Variants in CRAMP1 observed in about 807,000 individuals in gnomAD.
CRAMP1 encodes the protein cramped chromatin regulator 1, also known as protein cramped-like.
In CRAMP1, 50 loss-of-function variants were observed where a neutral mutation model predicts 115.4. The observed-to-expected ratio is 0.43, with a 90% CI of 0.35 to 0.55. The LOEUF (loss-of-function observed/expected upper bound fraction) is 0.55. CRAMP1 is among the 20% of genes least tolerant of loss of function. The pLI is 0.01. For missense variants in CRAMP1, 1,679 were observed against 1,721.7 expected, an observed-to-expected ratio of 0.98 and a Z score of 0.44; for synonymous variants, 866 against 745.4, an observed-to-expected ratio of 1.16 and a Z score of -2.64.
At chr16:1,633,845 G>A (rs939238952) in intron 4 of CRAMP1, among the ~76,000 whole-genome samples, 1 of 152,100 alleles carries the variant, frequency 6.6e-6, no homozygotes, top group Admixed American at 6.6e-5. Context: ...AGAGGCGGGC[G>A]GATCACGAGG....
chr16:1,638,096 A>G (rs1037951171), intron 5 of CRAMP1, among the ~76,000 whole-genome samples, 189 bp downstream of exon 5: 1 of 152,114 alleles, frequency 6.6e-6, no homozygotes, highest in Non-Finnish European at 1.5e-5. Context: ...CGTTGGCTAC[A>G]TTTGCTCTCT....
intron 13 of CRAMP1, among the ~76,000 whole-genome samples, chr16:1,663,878 G>A (rs1007006003): frequency 2.6e-5 from 4 of 152,186 alleles, no homozygotes; most frequent in Non-Finnish European, 4.4e-5. Context: ...GCACACAGCC[G>A]TGATTATTCA....
rs1385499777 is a variant in CRAMP1, at chr16:1,637,868, C to G, written c.739C>G (p.Leu247Val). ...LKKSSQELYG[L>V]ICYGELRKKI... ...GAAGTCATCCCAGGAACTGTATGGCCTGATCTGCTATGGCGAGCTGCGCAA... is the reference window on the plus strand; with the variant it reads ...GAAGTCATCCCAGGAACTGTATGGCGTGATCTGCTATGGCGAGCTGCGCAA... The change falls in exon 5 of 21, where the codon CTG becomes GTG. Residue 247 changes from leucine (L) to valine (V), a missense_variant. Around this residue, in one of 8 missense-constraint regions of CRAMP1, gnomAD observed 42 missense variants for 42.3 expected, o/e 0.99. Transcript: ENST00000397412. 1 of 1,571,128 alleles carries G rather than the reference C, an allele frequency of 6.4e-7. No individual in the cohort carries two copies.
chr16:1,660,117 A>C, intron 11 of CRAMP1, 54 bp downstream of exon 11: 2 of 1,416,690 alleles, frequency 1.4e-6, no homozygotes, highest in Non-Finnish European at 9.3e-7. Context: ...ATGGCACCTC[A>C]GGCTTCAGGG....
intron 20 of CRAMP1, among the ~76,000 whole-genome samples, chr16:1,673,628 G>A (rs2036941688): frequency 1.3e-5 from 2 of 152,202 alleles, no homozygotes; most frequent in Non-Finnish European, 1.5e-5. Context: ...TGGCGGGCGG[G>A]GGGACCAGCA....
At chr16:1,662,208 G>T (rs2036837337) in intron 11 of CRAMP1, among the ~76,000 whole-genome samples, 1 of 152,302 alleles carries the variant, frequency 6.6e-6, no homozygotes, top group East Asian at 1.9e-4. Context: ...AACATCTTTG[G>T]TGTCTTATCT....
chr16:1,673,430 C>T (rs1214502688), intron 20 of CRAMP1, among the ~76,000 whole-genome samples: 2 of 152,236 alleles, frequency 1.3e-5, no homozygotes, highest in African/African-American at 2.4e-5. Context: ...AAACGTGTCC[C>T]CCACGTATCC....
intron 4 of CRAMP1, among the ~76,000 whole-genome samples, chr16:1,637,499 C>T (rs1203020205): frequency 6.6e-6 from 1 of 152,186 alleles, no homozygotes; most frequent in East Asian, 1.9e-4. Flanking sequence ...AGATGGATGA[C>T]AGGTTTAGTG....
intron 5 of CRAMP1, among the ~76,000 whole-genome samples, chr16:1,639,217 G>T (rs2035230265): frequency 6.6e-6 from 1 of 152,106 alleles, no homozygotes; most frequent in Non-Finnish European, 1.5e-5. Context: ...GAGAGGTGGA[G>T]GGTGTCCAGG....
intron 5 of CRAMP1, among the ~76,000 whole-genome samples, 198 bp from the exon 6 acceptor site, chr16:1,640,941 G>A (rs962190227): frequency 2.6e-5 from 4 of 152,160 alleles, no homozygotes; most frequent in East Asian, 1.9e-4. Flanking sequence ...TCAGGTGAGC[G>A]GGGGCGACCA....
Position 1,673,863 on chromosome 16 carries a change from T to C in CRAMP1, c.3646-18T>C. The C allele has an allele frequency of 1.2e-6, 2 of 1,613,442 alleles. No individual in the cohort carries two copies. The highest frequency in any genetic ancestry group is 1.7e-6 in the Non-Finnish European group (2 of 1,179,564). On this transcript the variant is annotated intron_variant, in intron 20 of 20. Coordinates refer to ENST00000397412, the MANE Select transcript of CRAMP1 (RefSeq NM_020825.4). ...GCAGGTCGCGGTGACTTGTTCTTCCTGTCTCCTCTTCCTGCAGGTTGTGGA... is the reference window on the plus strand; with the variant it reads ...GCAGGTCGCGGTGACTTGTTCTTCCCGTCTCCTCTTCCTGCAGGTTGTGGA...
intron 2 of CRAMP1, among the ~76,000 whole-genome samples, chr16:1,623,074 T>G (rs2036479216): frequency 6.6e-6 from 1 of 152,186 alleles, no homozygotes; most frequent in Non-Finnish European, 1.5e-5. Context: ...TTTTTGTATT[T>G]TTAGTAGAGA....
At chr16:1,665,900 C>T in intron 14 of CRAMP1, 173 bp from the exon 15 acceptor site, 1 of 597,570 alleles carries the variant, frequency 1.7e-6, no homozygotes. Context: ...CGTTGGGGGC[C>T]TGTGTGACCT....
chr16:1,656,745 A>G lies in CRAMP1; in HGVS notation c.1988A>G (p.Glu663Gly), dbSNP rs1193821403. 2.6e-6 allele frequency: 4 copies of G among 1,549,072 alleles called. No individual in the cohort carries two copies. Among genetic ancestry groups the G allele is most frequent in the Non-Finnish European group, 3.5e-6 (4 of 1,146,226 alleles). ...QGQPAARPPK[E>G]VPASRLAQQL... ...CAGCCTGCCGCCAGGCCCCCGAAGG[A>G]GGTCCCCGCCAGCCGGCTGGCTCAG... The change falls in exon 10 of 21, where the codon GAG becomes GGG. Residue 663 changes from glutamate (E) to glycine (G), a missense_variant. Glu to Gly is a moderately conservative substitution (Grantham distance 98). Coordinates refer to ENST00000397412, the MANE Select transcript of CRAMP1 (RefSeq NM_020825.4). This position sits in a 1 kb window ranked among gnomAD's most constrained non-coding sequence, Gnocchi z 5.6.
chr16:1,653,929 T>C (rs1178368249), intron 8 of CRAMP1, among the ~76,000 whole-genome samples: 1 of 151,580 alleles, frequency 6.6e-6, no homozygotes, highest in Non-Finnish European at 1.5e-5. Context: ...ATCACGAGGT[T>C]AGGAGTTTGA....
chr16:1,644,026 G>A (rs996948041), intron 6 of CRAMP1, among the ~76,000 whole-genome samples: 3 of 152,234 alleles, frequency 2.0e-5, no homozygotes, highest in Admixed American at 2.0e-4. Flanking sequence ...GACTGGGCAG[G>A]TGGCAAAAGA....
intron 5 of CRAMP1, among the ~76,000 whole-genome samples, chr16:1,640,900 G>A (rs868644928): frequency 9.8e-5 from 15 of 152,336 alleles, no homozygotes; most frequent in African/African-American, 3.6e-4. Flanking sequence ...GCCTGCCTGA[G>A]GAGGGGGCCA....
chr16:1,667,270 C>T (rs887420801), intron 16 of CRAMP1, 65 bp from the exon 17 acceptor site: 19 of 1,318,804 alleles, frequency 1.4e-5, no homozygotes, highest in African/African-American at 1.0e-4. Context: ...AACTCTGTCG[C>T]GGGTGAGGGT....
rs775124174 is a variant in CRAMP1 at position 1,674,034 on chromosome 16, C to T, written c.3799C>T (p.Leu1267=). The T allele has an allele frequency of 6.2e-7, 1 of 1,611,968 alleles. No homozygotes were observed. The highest frequency in any genetic ancestry group is 1.1e-5 in the South Asian group (1 of 90,962). The change falls in exon 21 of 21, where the codon CTG becomes TTG. Residue 1267 remains leucine, a synonymous_variant. Transcript: ENST00000397412. ...GGGGGPAVSD[L]SQ Reference sequence around the variant, plus strand: ...TGGAGGCGGCCCCGCTGTCAGTGACCTGTCCCAGTGACCACACGTCCTGGT... The same window carrying T: ...TGGAGGCGGCCCCGCTGTCAGTGACTTGTCCCAGTGACCACACGTCCTGGT...
Sources: allele counts gnomAD v4.1 joint callset (sites outside exome capture counted in the v4.1 genomes callset), GRCh38; gene constraint gnomAD v4.1.1; regional missense constraint gnomAD v4.1.1; non-coding constraint Gnocchi (gnomAD v3.1); transcripts MANE v1.5; gene names NCBI Gene and HGNC (gene_info 2026-07-23, HGNC 2026-07-21).